The following KMT2C variants were observed in gnomAD, a reference collection of about 807,000 sequenced individuals.
KMT2C encodes lysine methyltransferase 2C, also known as histone-lysine N-methyltransferase 2C.
Under a neutral mutation model 507.9 loss-of-function variants are expected in KMT2C, and 88 were observed. The ratio of observed to expected loss-of-function variants is 0.17; its 90% CI spans 0.15 to 0.21. The LOEUF (loss-of-function observed/expected upper bound fraction) is 0.21, where lower values mean the gene tolerates loss of function less well. Ranked by LOEUF, KMT2C falls within the 10% of genes least tolerant of loss-of-function variation. The pLI is 1.00. For missense variants in KMT2C, 4,954 were observed against 5,957.8 expected, an observed-to-expected ratio of 0.83 and a Z score of 5.55; for synonymous variants, 2,049 against 2,080.8, an observed-to-expected ratio of 0.98 and a Z score of 0.42.
In KMT2C at chr7:152,163,909, G is replaced by A. The variant is rs2092590086; in HGVS notation, c.9751-83C>T. ...ACACTGGCTGATGACTGTGGTTGAG[G>A]TTACACAGAGGGCAGTTTGGCCCTG... On this transcript the variant is annotated intron_variant, in intron 42 of 58. Transcript: ENST00000262189. 22 of 1,353,164 alleles carry A rather than the reference G, an allele frequency of 1.6e-5. No homozygotes were observed. In the South Asian group the frequency reaches 2.5e-4, roughly 16 times the overall value. 83.8% of individuals were successfully genotyped at this position (1,353,164 alleles called of 1,614,324 possible). A position where few individuals can be genotyped will look rare whatever the true frequency, so the allele number is the denominator to read the frequency against.
intron 3 of KMT2C, among the ~76,000 whole-genome samples, chr7:152,318,070 G>A (rs562681276): frequency 7.2e-5 from 11 of 151,810 alleles, no homozygotes; most frequent in East Asian, 3.9e-4. Context: ...CCCAGGAGGC[G>A]GAGGTTGCAA....
intron 6 of KMT2C, among the ~76,000 whole-genome samples, chr7:152,307,414 C>A (rs2096631604): frequency 6.6e-6 from 1 of 151,626 alleles, no homozygotes; most frequent in Non-Finnish European, 1.5e-5. Context: ...GGAAGAAGGA[C>A]AAAACAAACA....
chr7:152,345,858 T>A (rs1378879848), intron 2 of KMT2C, among the ~76,000 whole-genome samples: 1 of 152,026 alleles, frequency 6.6e-6, no homozygotes, highest in African/African-American at 2.4e-5. Flanking sequence ...CAAGTACATA[T>A]TGTCTACAAA....
intron 1 of KMT2C, among the ~76,000 whole-genome samples, chr7:152,364,930 G>GACACACACACACAC (rs771689076): frequency 7.7e-6 from 1 of 130,206 alleles, no homozygotes; most frequent in African/African-American, 3.1e-5. Context: ...ATCTGAAACA[G>GACACACACACACAC]ACAGACACAC....
chr7:152,158,069 A>C, intron 44 of KMT2C: 1 of 421,080 alleles, frequency 2.4e-6, no homozygotes, highest in South Asian at 2.1e-5. Context: ...TGCTGGAGTA[A>C]GTGAGAGAGA....
At chr7:152,139,564 G>A in intron 56 of KMT2C, 111 bp downstream of exon 56, 1 of 760,356 alleles carries the variant, frequency 1.3e-6, no homozygotes, top group African/African-American at 1.7e-5. Context: ...TTTGTTTAAA[G>A]CTGAATGCAG....
At chr7:152,366,039 T>C (rs1429293669) in intron 1 of KMT2C, among the ~76,000 whole-genome samples, 1 of 152,040 alleles carries the variant, frequency 6.6e-6, no homozygotes, top group Non-Finnish European at 1.5e-5. Context: ...AAAACTAAGA[T>C]ATACCACCTC....
intron 1 of KMT2C, among the ~76,000 whole-genome samples, chr7:152,364,930 G>GACAGAC (rs1554680321): frequency 7.7e-6 from 1 of 130,206 alleles, no homozygotes; most frequent in African/African-American, 3.1e-5. Flanking sequence ...ATCTGAAACA[G>GACAGAC]ACAGACACAC....
intron 1 of KMT2C, among the ~76,000 whole-genome samples, chr7:152,370,716 C>T (rs919612174): frequency 2.6e-5 from 4 of 152,180 alleles, no homozygotes; most frequent in African/African-American, 9.7e-5. Context: ...TTCAAAAAAT[C>T]AATCAATGTA....
intron 1 of KMT2C, among the ~76,000 whole-genome samples, chr7:152,394,201 C>T (rs1035780085): frequency 2.0e-5 from 3 of 152,146 alleles, no homozygotes; most frequent in Non-Finnish European, 2.9e-5. Context: ...CTAGTCTCAA[C>T]ACAGCAGCCA....
chr7:152,221,404 G>A (rs2094766543), intron 22 of KMT2C, among the ~76,000 whole-genome samples: 1 of 152,202 alleles, frequency 6.6e-6, no homozygotes, highest in South Asian at 2.1e-4. Context: ...AGAGAAGAGA[G>A]AATACTCCAG....
intron 23 of KMT2C, among the ~76,000 whole-genome samples, chr7:152,209,432 G>C (rs1469479802): frequency 6.8e-6 from 1 of 147,504 alleles, no homozygotes; most frequent in Non-Finnish European, 1.5e-5. Context: ...ACTCCACCCT[G>C]GGCGACAGCG....
At chr7:152,254,284 G>A (rs1463172437) in intron 9 of KMT2C, among the ~76,000 whole-genome samples, 1 of 151,960 alleles carries the variant, frequency 6.6e-6, no homozygotes, top group African/African-American at 2.4e-5. Context: ...TTAAAAGAAT[G>A]TATTATCCTT....
In KMT2C at chr7:152,310,977, G is replaced by A. The variant is rs181760333; in HGVS notation, c.739+821C>T. ...CTGGGATTACGGGCTGTGAGCCACC[G>A]TGCCCTGCCAGCAATCTGTGATTTA... On this transcript the variant is annotated intron_variant, in intron 5 of 58. Transcript: ENST00000262189. 1.6e-4 allele frequency among the ~76,000 whole-genome samples: 25 copies of A among 152,054 alleles called. No homozygotes were observed. In the East Asian group the frequency reaches 4.1e-3, roughly 25 times the overall value.
chr7:152,342,971 G>A (rs1029693302), intron 2 of KMT2C, among the ~76,000 whole-genome samples: 2 of 152,062 alleles, frequency 1.3e-5, no homozygotes, highest in African/African-American at 4.8e-5. Context: ...GAAAGGGCAG[G>A]GTGGGGAGGA....
At position 152,181,196 on chromosome 7, in the gene KMT2C, G is replaced by A. The variant is rs781506106; in HGVS notation, c.6664C>T (p.Pro2222Ser). 2 of 1,614,100 alleles carry A rather than the reference G, an allele frequency of 1.2e-6. No homozygotes were observed. Among genetic ancestry groups the A allele is most frequent in the South Asian group, 2.2e-5 (2 of 91,068 alleles). ...GAAATCCTTGGCCTTGGTGTTGCTGGTGGCTGAGAGTAAGGGACAGAAATT... is the reference window on the plus strand; with the variant it reads ...GAAATCCTTGGCCTTGGTGTTGCTGATGGCTGAGAGTAAGGGACAGAAATT... ...PGISVPYSQP[P>S]ATPRPRISEG... is the part of the protein sequence containing the mutation. The change falls in exon 36 of 59, where the codon CCA becomes TCA. Residue 2222 changes from proline (P) to serine (S), a missense_variant. By Grantham distance (74) the Pro-to-Ser change is moderately conservative. Around this residue, in one of 29 missense-constraint regions of KMT2C, gnomAD observed 1,689 missense variants for 1,654.3 expected, o/e 1.02. Coordinates refer to ENST00000262189, the MANE Select transcript of KMT2C (RefSeq NM_170606.3).
chr7:152,219,483 T>C (rs996962807), intron 23 of KMT2C, among the ~76,000 whole-genome samples: 4 of 151,960 alleles, frequency 2.6e-5, no homozygotes, highest in Non-Finnish European at 5.9e-5. Context: ...CAGTGGCGCA[T>C]GCCTATAGTA....
Position 152,187,481 on chromosome 7 carries a change from G to GA in KMT2C, c.4794-6dup. ...TTAAAGGCTGAATTTTTATCCCTGG[G>GA]AAAAAATAAATATCTTTACTTTATG... is the stretch of plus-strand genomic sequence containing the variant. On this transcript the variant is annotated splice_polypyrimidine_tract_variant and splice_region_variant and intron_variant, in intron 32 of 58. Transcript: ENST00000262189. 2 of 1,604,836 alleles carry GA rather than the reference G, an allele frequency of 1.2e-6. No individual in the cohort carries two copies. The highest frequency in any genetic ancestry group is 1.7e-6 in the Non-Finnish European group (2 of 1,172,838).
chr7:152,334,158 A>G (rs755645379), intron 2 of KMT2C, among the ~76,000 whole-genome samples: 6 of 152,216 alleles, frequency 3.9e-5, no homozygotes, highest in Non-Finnish European at 8.8e-5. Flanking sequence ...ATAAACCTGT[A>G]GAACGTAGAC....
Sources: allele counts gnomAD v4.1 joint callset (sites outside exome capture counted in the v4.1 genomes callset), GRCh38; gene constraint gnomAD v4.1.1; regional missense constraint gnomAD v4.1.1; transcripts MANE v1.5; gene names NCBI Gene and HGNC (gene_info 2026-07-23, HGNC 2026-07-21).